The following MAGI1 variants were observed in gnomAD, a reference collection of about 807,000 sequenced individuals.
MAGI1 encodes membrane associated guanylate kinase, WW and PDZ domain containing 1.
MAGI1 carries 58 observed loss-of-function variants against 139.9 expected under a neutral mutation model. That is an observed-to-expected ratio of 0.41 (90% confidence interval 0.34 to 0.52). MAGI1 has a LOEUF of 0.52. Among genes scored for constraint, MAGI1 ranks in the 20% least tolerant of loss-of-function variants. The pLI is 0.12. For missense variants in MAGI1, 1,874 were observed against 1,901.6 expected, an observed-to-expected ratio of 0.99 and a Z score of 0.27; for synonymous variants, 812 against 737.9, an observed-to-expected ratio of 1.10 and a Z score of -1.63.
intron 5 of MAGI1, among the ~76,000 whole-genome samples, chr3:65,467,087 G>C (rs975336300): frequency 6.6e-6 from 1 of 152,294 alleles, no homozygotes; most frequent in Admixed American, 6.5e-5. Context: ...AAAACAGAAA[G>C]GGAACTCACC....
At position 65,494,677 on chromosome 3, in the gene MAGI1, A is replaced by G. The variant is rs558610427; in HGVS notation, c.431-1046T>C. Among the ~76,000 whole-genome samples the G allele has an allele frequency of 2.2e-4, 33 of 152,346 alleles. No individual in the cohort carries two copies. The South Asian group carries it at 6.4e-3, about 30-fold the overall frequency. On this transcript the variant is annotated intron_variant, in intron 2 of 22. Coordinates refer to ENST00000402939, the MANE Select transcript of MAGI1 (RefSeq NM_001033057.2). ...GCAACGATATTTCCCTATGTCTAGG[A>G]TCTCTTCGTTGAAATGTAATGCAAT...
chr3:65,372,302 T>C (rs1349345797), intron 18 of MAGI1, among the ~76,000 whole-genome samples: 3 of 152,342 alleles, frequency 2.0e-5, no homozygotes, highest in South Asian at 4.1e-4. Flanking sequence ...ACCAGGTGTA[T>C]TGTCCATGAG....
intron 1 of MAGI1, among the ~76,000 whole-genome samples, chr3:65,649,028 A>AACCTCATAT (rs762824350): frequency 2.0e-5 from 3 of 152,176 alleles, no homozygotes; most frequent in Non-Finnish European, 4.4e-5. Context: ...TGTTAACTTA[A>AACCTCATAT]ACCTCATATC....
intron 1 of MAGI1, among the ~76,000 whole-genome samples, chr3:65,866,285 C>T (rs2059724522): frequency 6.7e-6 from 1 of 149,720 alleles, no homozygotes; most frequent in Non-Finnish European, 1.5e-5. Flanking sequence ...GTGATCATGG[C>T]TCACTGCATC....
chr3:65,414,556 C>A (rs944626206), intron 12 of MAGI1, among the ~76,000 whole-genome samples: 2 of 152,184 alleles, frequency 1.3e-5, no homozygotes, highest in African/African-American at 4.8e-5. Flanking sequence ...CTTTCGTATC[C>A]TGTTCTATTC....
intron 13 of MAGI1, among the ~76,000 whole-genome samples, chr3:65,395,636 C>CAAAAAAAAAAAA (rs58806140): frequency 0.012 from 221 of 19,158 alleles, 56 homozygotes; most frequent in Non-Finnish European, 0.017. Context: ...GACTCCATCT[C>CAAAAAAAAAAAA]AAAAAAAAAA....
intron 10 of MAGI1, among the ~76,000 whole-genome samples, chr3:65,431,589 AAAAC>A (rs1947458712): frequency 6.6e-6 from 1 of 152,044 alleles, no homozygotes; most frequent in Non-Finnish European, 1.5e-5. Flanking sequence ...ACAAACCAAA[AAAAC>A]AAACAAAGAA....
intron 12 of MAGI1, among the ~76,000 whole-genome samples, chr3:65,426,660 C>T (rs1947065905): frequency 6.6e-6 from 1 of 152,176 alleles, no homozygotes; most frequent in South Asian, 2.1e-4. Flanking sequence ...CTCATTACAT[C>T]CCCACTATAC....
Position 65,915,303 on chromosome 3 carries a change from A to G in MAGI1, c.313+122693T>C, listed in dbSNP as rs1420396507. Among the ~76,000 whole-genome samples, 3 of 152,320 alleles carry G rather than the reference A, an allele frequency of 2.0e-5. No homozygotes were observed. In the East Asian group the frequency reaches 5.8e-4, roughly 29 times the overall value. On this transcript the variant is annotated intron_variant, in intron 1 of 22. Coordinates refer to ENST00000402939, the MANE Select transcript of MAGI1 (RefSeq NM_001033057.2). The stretch of plus-strand genomic sequence containing the variant: ...CATTAATTCTGTTAAATATTTTTAA[A>G]TACTCAATTCAGAAGCATAAATCCA...
At chr3:65,496,426 G>A (rs78353910) in intron 2 of MAGI1, among the ~76,000 whole-genome samples, 4 of 152,084 alleles carry the variant, frequency 2.6e-5, no homozygotes, top group Non-Finnish European at 5.9e-5. Context: ...ATAGAAGCAG[G>A]GGGACCAGTT....
intron 1 of MAGI1, among the ~76,000 whole-genome samples, chr3:65,935,967 T>C (rs969417667): frequency 6.6e-6 from 1 of 152,142 alleles, no homozygotes; most frequent in Non-Finnish European, 1.5e-5. Flanking sequence ...TAAGCCCAGG[T>C]GAAACCAGCC....
intron 13 of MAGI1, among the ~76,000 whole-genome samples, chr3:65,395,636 CAAAAAAAAA>C (rs58806140): frequency 2.1e-4 from 4 of 19,178 alleles, no homozygotes; most frequent in South Asian, 1.9e-3. Flanking sequence ...GACTCCATCT[CAAAAAAAAA>C]AAAAAAAAAA....
At chr3:65,772,884 T>A (rs2038070732) in intron 1 of MAGI1, among the ~76,000 whole-genome samples, 1 of 152,066 alleles carries the variant, frequency 6.6e-6, no homozygotes, top group Non-Finnish European at 1.5e-5. Flanking sequence ...CATGTGAATT[T>A]AAGGAGGGGA....
At chr3:65,647,867 T>C (rs2085349483) in intron 1 of MAGI1, among the ~76,000 whole-genome samples, 1 of 152,142 alleles carries the variant, frequency 6.6e-6, no homozygotes, top group South Asian at 2.1e-4. Flanking sequence ...AATGGAATAC[T>C]TTTCCCCCTC....
chr3:65,917,443 T>C (rs889033054), intron 1 of MAGI1, among the ~76,000 whole-genome samples: 13 of 152,250 alleles, frequency 8.5e-5, no homozygotes, highest in African/African-American at 2.9e-4. Context: ...CTAGCAATCA[T>C]GTTCCTTGGT....
rs1445030644 is a variant in MAGI1 at position 65,353,980 on chromosome 3, A to G, written c.*2398T>C. 1 of 152,236 alleles carries G rather than the reference A, an allele frequency of 6.6e-6. No individual in the cohort carries two copies. Among genetic ancestry groups the G allele is most frequent in the African/African-American group, 2.4e-5 (1 of 41,448 alleles). The allele number at this position is 152,236 out of a possible 1,614,324, so 9.4% of individuals were successfully genotyped here. ...TAGCACATAGATTTTAAATTGCCAA[A>G]TATCATCTTACAACAAGAAGGACAT... On this transcript the variant is annotated 3_prime_UTR_variant, in exon 23 of 23. Transcript: ENST00000402939.
intron 1 of MAGI1, among the ~76,000 whole-genome samples, chr3:65,852,086 T>C (rs2059223758): frequency 6.6e-6 from 1 of 152,190 alleles, no homozygotes; most frequent in African/African-American, 2.4e-5. Flanking sequence ...CAAGGCAAAC[T>C]TGTCAAACCA....
At chr3:66,029,430 T>C (rs541434889) in intron 1 of MAGI1, among the ~76,000 whole-genome samples, 23 of 152,290 alleles carry the variant, frequency 1.5e-4, no homozygotes, top group South Asian at 1.2e-3. Context: ...AATGCCTCCA[T>C]CCACAGTAAT....
chr3:65,881,653 A>G (rs1251451704), intron 1 of MAGI1, among the ~76,000 whole-genome samples: 1 of 152,170 alleles, frequency 6.6e-6, no homozygotes, highest in Non-Finnish European at 1.5e-5. Context: ...TAGGACTTCC[A>G]TATGAGTATA....
Sources: gnomAD v4.1 joint callset for allele counts (sites outside exome capture counted in the v4.1 genomes callset) on GRCh38, gnomAD v4.1.1 for gene constraint, MANE v1.5 for transcripts, NCBI Gene and HGNC (gene_info 2026-07-23, HGNC 2026-07-21) for gene names.